DNER: variants seen among roughly 807,000 people sequenced by gnomAD.
The protein encoded by DNER is delta/notch like EGF repeat containing, also known as delta and Notch-like epidermal growth factor-related receptor.
Under a neutral mutation model 78.2 loss-of-function variants are expected in DNER, and 33 were observed. The observed-to-expected ratio is 0.42, with a 90% CI of 0.32 to 0.56. The LOEUF is 0.56. DNER is among the 20% of genes least tolerant of loss of function. DNER has a pLI of 0.11. For missense variants in DNER, 918 were observed against 975.3 expected, an observed-to-expected ratio of 0.94 and a Z score of 0.78; for synonymous variants, 417 against 384.8, an observed-to-expected ratio of 1.08 and a Z score of -0.98.
intron 8 of DNER, among the ~76,000 whole-genome samples, chr2:229,439,527 C>A (rs1285835475): frequency 6.6e-6 from 1 of 152,218 alleles, no homozygotes; most frequent in Non-Finnish European, 1.5e-5. Flanking sequence ...CTTCTCAACG[C>A]TAAGCTCAGG....
intron 5 of DNER, among the ~76,000 whole-genome samples, chr2:229,527,413 C>G (rs936591190): frequency 3.3e-5 from 5 of 152,222 alleles, no homozygotes; most frequent in African/African-American, 1.2e-4. Context: ...AAACCAACCC[C>G]CAACTAAGCT....
intron 9 of DNER, among the ~76,000 whole-genome samples, chr2:229,410,986 C>T (rs1447036487): frequency 6.6e-5 from 10 of 152,120 alleles, no homozygotes; most frequent in Non-Finnish European, 1.5e-5. Context: ...TTTTCTAAAC[C>T]ATCTCAGAAA....
chr2:229,520,059 C>G (rs980724712), intron 5 of DNER, among the ~76,000 whole-genome samples: 2 of 152,144 alleles, frequency 1.3e-5, no homozygotes, highest in Admixed American at 1.3e-4. Flanking sequence ...GAACTTCAGG[C>G]AATTCTTCGC....
chr2:229,650,748 G>A (rs1313743230), intron 1 of DNER, among the ~76,000 whole-genome samples: 2 of 152,142 alleles, frequency 1.3e-5, no homozygotes, highest in African/African-American at 4.8e-5. Context: ...CAGTCACTGT[G>A]CATTGTCATT....
In DNER at chr2:229,410,513, G is replaced by C. The variant is rs985892166; in HGVS notation, c.1610-3168C>G. 2.0e-5 allele frequency among the ~76,000 whole-genome samples: 3 copies of C among 152,238 alleles called. No homozygotes were observed. The East Asian group carries it at 5.8e-4, about 29-fold the overall frequency. On this transcript the variant is annotated intron_variant, in intron 9 of 12. Coordinates refer to ENST00000341772, the MANE Select transcript of DNER (RefSeq NM_139072.4). ...CACCCTATTTTGTCAGAGAAAACCAGGTCCACACTTCAAACTAAGTCTGTG... is the reference window on the plus strand; with the variant it reads ...CACCCTATTTTGTCAGAGAAAACCACGTCCACACTTCAAACTAAGTCTGTG...
At chr2:229,663,545 A>G (rs563655507) in intron 1 of DNER, among the ~76,000 whole-genome samples, 1 of 152,326 alleles carries the variant, frequency 6.6e-6, no homozygotes, top group East Asian at 1.9e-4. Flanking sequence ...TCCCTTTCTC[A>G]AAGAGAGATT....
intron 1 of DNER, among the ~76,000 whole-genome samples, chr2:229,656,809 C>G (rs1377684691): frequency 3.3e-5 from 5 of 152,126 alleles, no homozygotes; most frequent in African/African-American, 1.2e-4. Context: ...CATTTACTTT[C>G]TGAAAAACAT....
chr2:229,661,320 A>G (rs1699007195), intron 1 of DNER, among the ~76,000 whole-genome samples: 1 of 152,126 alleles, frequency 6.6e-6, no homozygotes, highest in African/African-American at 2.4e-5. Context: ...CCTCCCCAAA[A>G]AAAACTTGTT....
At chr2:229,620,129 C>A (rs556497810) in intron 1 of DNER, among the ~76,000 whole-genome samples, 2 of 152,186 alleles carry the variant, frequency 1.3e-5, no homozygotes, top group African/African-American at 4.8e-5. Flanking sequence ...GGATGGGCAC[C>A]CTCTCAGCCT....
chr2:229,390,023 A>C (rs1692981258), intron 10 of DNER, among the ~76,000 whole-genome samples: 1 of 152,240 alleles, frequency 6.6e-6, no homozygotes. Context: ...AAATGGCATT[A>C]CATGGCAGAC....
intron 5 of DNER, among the ~76,000 whole-genome samples, chr2:229,516,912 C>A (rs1371074827): frequency 2.6e-5 from 4 of 151,318 alleles, no homozygotes; most frequent in Admixed American, 1.3e-4. Flanking sequence ...TCGAGACCAT[C>A]CTGGCCAACA....
intron 1 of DNER, among the ~76,000 whole-genome samples, chr2:229,615,192 G>A (rs533518525): frequency 3.3e-4 from 49 of 146,854 alleles, no homozygotes; most frequent in Non-Finnish European, 5.3e-4. Flanking sequence ...CAGGCGGATC[G>A]CCTGAGGTCA....
At chr2:229,485,819 TA>T (rs142878830) in intron 6 of DNER, among the ~76,000 whole-genome samples, 42 of 149,296 alleles carry the variant, frequency 2.8e-4, no homozygotes, top group Admixed American at 7.3e-4. Flanking sequence ...ACTGAAATAA[TA>T]AAAAAAAAAA....
chr2:229,505,398 C>A (rs10197959), intron 6 of DNER, among the ~76,000 whole-genome samples: 55,370 of 151,910 alleles, frequency 0.36, 10,771 homozygotes, highest in Non-Finnish European at 0.43. Context: ...AGGTAACATT[C>A]CTAAATCTCT....
chr2:229,686,730 T>C (rs1373174077), intron 1 of DNER, among the ~76,000 whole-genome samples: 2 of 152,206 alleles, frequency 1.3e-5, no homozygotes, highest in East Asian at 3.9e-4. Context: ...CTGAATGCCA[T>C]ATTGCCATCC....
intron 6 of DNER, among the ~76,000 whole-genome samples, chr2:229,492,195 C>G (rs60437114): frequency 0.15 from 22,189 of 152,102 alleles, 1,870 homozygotes; most frequent in East Asian, 0.37. Context: ...ATGAATAAGC[C>G]TTACTACAAC....
chr2:229,578,996 T>C (rs1242619038), intron 4 of DNER, among the ~76,000 whole-genome samples: 1 of 152,176 alleles, frequency 6.6e-6, no homozygotes, highest in Non-Finnish European at 1.5e-5. Flanking sequence ...GGCAGCTGGG[T>C]GGAGGCAGGT....
At chr2:229,670,574 A>G (rs1699190317) in intron 1 of DNER, among the ~76,000 whole-genome samples, 1 of 152,230 alleles carries the variant, frequency 6.6e-6, no homozygotes, top group South Asian at 2.1e-4. Flanking sequence ...TGCATTAGCC[A>G]CTCACATCTA....
At chr2:229,491,952 C>T (rs201674022) in intron 6 of DNER, among the ~76,000 whole-genome samples, 1 of 25,356 alleles carries the variant, frequency 3.9e-5, no homozygotes, top group African/African-American at 9.7e-5. Context: ...GCCATGATTA[C>T]ACACACACAC....
Sources: gnomAD v4.1 joint callset for allele counts (sites outside exome capture counted in the v4.1 genomes callset) on GRCh38, gnomAD v4.1.1 for gene constraint, MANE v1.5 for transcripts, NCBI Gene and HGNC (gene_info 2026-07-23, HGNC 2026-07-21) for gene names.